C5orf63: variants seen among roughly 807,000 people sequenced by gnomAD.
C5orf63 encodes chromosome 5 open reading frame 63, also known as glutaredoxin-like protein C5orf63.
C5orf63 carries 18 observed loss-of-function variants against 13.3 expected under a neutral mutation model. That is an observed-to-expected ratio of 1.36 (90% CI 0.94 to 2.01). C5orf63 has a LOEUF of 2.01. C5orf63 is among the 30% of genes most tolerant of loss of function. The probability of loss-of-function intolerance (pLI) is 0.00; values close to 1 mark genes in which losing one functional copy is unlikely to be tolerated. For missense variants in C5orf63, 118 were observed against 127.7 expected (o/e 0.92, Z 0.36); for synonymous variants, 38 against 44.7 (o/e 0.85, Z 0.60).
rs565720784 is a variant in C5orf63, at chr5:127,053,723, G to C, written c.115-1054C>G. ...CATGCGACAGTTTGCTCCAAATGAT[G>C]GTTTCCAGCTTCATCCATGTACCTA... On this transcript the variant is annotated intron_variant, in intron 3 of 4. Transcript: ENST00000296662. Among the ~76,000 whole-genome samples, 3 of 152,294 alleles carry C rather than the reference G, an allele frequency of 2.0e-5. No homozygotes were observed. The East Asian group carries it at 5.8e-4, about 29-fold the overall frequency.
chr5:127,044,916 G>C (rs1377869613), downstream of C5orf63: 3 of 151,976 alleles, frequency 2.0e-5, no homozygotes, highest in African/African-American at 7.3e-5. Flanking sequence ...GTGCCCGGCC[G>C]GCTACCTCAT....
rs182181206 is a variant in C5orf63 at position 127,051,760 on chromosome 5, G to A, written c.*11C>T. The A allele has an allele frequency of 4.4e-3, 6,462 of 1,484,078 alleles. 16 individuals are homozygous for A. The highest frequency in any genetic ancestry group is 7.4e-3 in the Middle Eastern group (34 of 4,606). 91.9% of individuals were successfully genotyped at this position (1,484,078 alleles called of 1,614,324 possible). On this transcript the variant is annotated 3_prime_UTR_variant, in exon 5 of 5. Transcript: ENST00000296662. ...ATGGGAAGAGAGGGTGGAAAATCAT[G>A]AGGGCATCAGTCAGCCTCCAGTACT...
At chr5:127,071,951 T>A (rs192435050) in intron 1 of C5orf63, 27 of 152,320 alleles carry the variant, frequency 1.8e-4, no homozygotes, top group African/African-American at 6.5e-4. Flanking sequence ...AGAAACACAG[T>A]CCAATCAACT....
chr5:127,057,672 T>G (rs1753941684), intron 3 of C5orf63, among the ~76,000 whole-genome samples: 1 of 152,230 alleles, frequency 6.6e-6, no homozygotes. Flanking sequence ...ATGCATAGAC[T>G]GGTGAGAGAT....
At chr5:127,060,269 A>T (rs1225875260) in intron 2 of C5orf63, among the ~76,000 whole-genome samples, 1 of 152,228 alleles carries the variant, frequency 6.6e-6, no homozygotes, top group South Asian at 2.1e-4. Context: ...AAAGGAGATC[A>T]TCATAACTTT....
intron 3 of C5orf63, among the ~76,000 whole-genome samples, chr5:127,053,757 A>G (rs562726904): frequency 4.3e-4 from 66 of 152,340 alleles, no homozygotes; most frequent in Non-Finnish European, 6.6e-4. Context: ...TACAAAGGAC[A>G]TGAACTCATC....
intron 2 of C5orf63, among the ~76,000 whole-genome samples, chr5:127,065,442 A>G (rs1268271577): frequency 6.6e-6 from 1 of 152,244 alleles, no homozygotes; most frequent in African/African-American, 2.4e-5. Flanking sequence ...AAATCATTTC[A>G]TTGAGAATTT....
exon 5 of C5orf63, chr5:127,045,766 T>C (rs1753508544): frequency 6.6e-6 from 1 of 152,340 alleles, no homozygotes; most frequent in African/African-American, 2.4e-5. Context: ...CATGATTATT[T>C]TCCTCTGATA....
In C5orf63 at chr5:127,051,770, G is replaced by A; in HGVS notation, c.*1C>T. 1 of 1,499,984 alleles carries A rather than the reference G, an allele frequency of 6.7e-7. No individual in the cohort carries two copies. Among genetic ancestry groups the A allele is most frequent in the Non-Finnish European group, 8.8e-7 (1 of 1,130,004 alleles). The allele number at this position is 1,499,984 out of a possible 1,614,324, so 92.9% of individuals were successfully genotyped here. On this transcript the variant is annotated 3_prime_UTR_variant, in exon 5 of 5. Transcript: ENST00000296662. ...AGGGTGGAAAATCATGAGGGCATCA[G>A]TCAGCCTCCAGTACTTTGCTGCTCA...
chr5:127,056,588 A>G (rs527909526), intron 3 of C5orf63: 2 of 152,282 alleles, frequency 1.3e-5, no homozygotes, highest in African/African-American at 2.4e-5. Context: ...CCATAATTCA[A>G]TCATCTCCCA....
At chr5:127,070,718 C>G (rs1382329201) in intron 2 of C5orf63, among the ~76,000 whole-genome samples, 3 of 152,202 alleles carry the variant, frequency 2.0e-5, no homozygotes, top group South Asian at 2.1e-4. Flanking sequence ...CACTTTCAAA[C>G]AGATACTCTT....
intron 3 of C5orf63, among the ~76,000 whole-genome samples, chr5:127,057,618 A>T (rs908550694): frequency 6.6e-6 from 1 of 152,340 alleles, no homozygotes; most frequent in Non-Finnish European, 1.5e-5. Flanking sequence ...GCAACCCCCA[A>T]GTCAATACTT....
At chr5:127,064,590 G>A (rs886651181) in intron 2 of C5orf63, among the ~76,000 whole-genome samples, 17 of 152,304 alleles carry the variant, frequency 1.1e-4, no homozygotes, top group Admixed American at 1.0e-3. Context: ...GGACTGAGAC[G>A]CAGCTCCTCA....
At chr5:127,072,236 A>G (rs900548869) in intron 1 of C5orf63, 1 of 152,202 alleles carries the variant, frequency 6.6e-6, no homozygotes, top group Non-Finnish European at 1.5e-5. Flanking sequence ...TTGGGCTACG[A>G]TATTTCACAC....
Position 127,071,616 on chromosome 5 carries a change from T to G in C5orf63, c.-40A>C, listed in dbSNP as rs1006329141. On this transcript the variant is annotated 5_prime_UTR_variant, in exon 2 of 5. Coordinates refer to ENST00000296662, the MANE Select transcript of C5orf63 (RefSeq NM_001164478.2). ...AGATGATTTCTCCCCTTCGAAATAA[T>G]TGCAAACAAGATTAAAACTGTATTC... 1.3e-5 allele frequency: 2 copies of G among 152,356 alleles called. No individual in the cohort carries two copies. The highest frequency in any genetic ancestry group is 4.1e-4 in the South Asian group (2 of 4,832). 9.4% of individuals were successfully genotyped at this position (152,356 alleles called of 1,614,324 possible).
chr5:127,072,557 T>C (rs1309935564), intron 1 of C5orf63, among the ~76,000 whole-genome samples: 1 of 152,152 alleles, frequency 6.6e-6, no homozygotes, highest in Non-Finnish European at 1.5e-5. Flanking sequence ...CTAGAAAGTA[T>C]TGGGATATAA....
Position 127,058,965 on chromosome 5 carries a change from G to A in C5orf63, c.31C>T (p.Leu11Phe). The A allele has an allele frequency of 6.5e-7, 1 of 1,537,150 alleles. No individual in the cohort carries two copies. MLWFQGNSMQLARSSFGLFLR... is the reference protein window; with the variant it reads MLWFQGNSMQFARSSFGLFLR... The stretch of plus-strand genomic sequence containing the variant: ...AAGAGTCCAAAGGAGGATCTGGCAA[G>A]TTGCATGCTATTTCCTTGAAACCAG... Residue 11 changes from leucine to phenylalanine, a missense_variant, in exon 3 of 5, where the codon CTT (leucine) becomes TTT (phenylalanine). Coordinates refer to ENST00000296662, the MANE Select transcript of C5orf63 (RefSeq NM_001164478.2).
intron 3 of C5orf63, among the ~76,000 whole-genome samples, chr5:127,054,597 T>A (rs1189652388): frequency 2.6e-5 from 4 of 152,228 alleles, no homozygotes; most frequent in Non-Finnish European, 5.9e-5. Flanking sequence ...GATTTTTTCT[T>A]GTAAATTTGT....
At chr5:127,071,801 A>G (rs1754553981) in intron 1 of C5orf63, 116 bp from the exon 2 acceptor site, 1 of 152,234 alleles carries the variant, frequency 6.6e-6, no homozygotes. Flanking sequence ...GCCTAGCATT[A>G]GAGTAACTGA....
Sources: allele counts gnomAD v4.1 joint callset (sites outside exome capture counted in the v4.1 genomes callset), GRCh38; gene constraint gnomAD v4.1.1; transcripts MANE v1.5; gene names NCBI Gene and HGNC (gene_info 2026-07-23, HGNC 2026-07-21).